Variants in PCDHGA1 observed in about 807,000 individuals in gnomAD.
PCDHGA1 encodes the protein protocadherin gamma-A1.
In PCDHGA1, 32 loss-of-function variants were observed where a neutral mutation model predicts 58.0. The observed-to-expected ratio is 0.55, with a 90% CI of 0.42 to 0.74. The LOEUF is 0.74. PCDHGA1 is among the 30% of genes least tolerant of loss of function. PCDHGA1 has a pLI of 0.00. For missense variants in PCDHGA1, 1,205 were observed against 1,182.3 expected, an observed-to-expected ratio of 1.02 and a Z score of -0.28; for synonymous variants, 498 against 501.1, an observed-to-expected ratio of 0.99 and a Z score of 0.08.
At chr5:141,405,156 T>C in intron 1 of PCDHGA1, 1 of 1,614,042 alleles carries the variant, frequency 6.2e-7, no homozygotes, top group Non-Finnish European at 8.5e-7. Flanking sequence ...TTGGCTGGTG[T>C]GCCCACCTCA....
intron 1 of PCDHGA1, among the ~76,000 whole-genome samples, chr5:141,447,688 G>A (rs188511217): frequency 1.4e-4 from 22 of 152,258 alleles, no homozygotes; most frequent in African/African-American, 4.3e-4. Context: ...TATCTTGATA[G>A]AGGGATGGGT....
intron 3 of PCDHGA1, among the ~76,000 whole-genome samples, chr5:141,509,362 G>C (rs2099876497): frequency 6.6e-6 from 1 of 152,152 alleles, no homozygotes; most frequent in Non-Finnish European, 1.5e-5. Flanking sequence ...GCATCCCTGA[G>C]GTTTTAACTG....
chr5:141,402,855 T>G, intron 1 of PCDHGA1: 1 of 1,425,070 alleles, frequency 7.0e-7, no homozygotes, highest in Non-Finnish European at 9.2e-7. Flanking sequence ...CTCTTTCTTC[T>G]AAGGAAAAGA....
chr5:141,395,961 G>C (rs1016569431), intron 1 of PCDHGA1: 1 of 151,956 alleles, frequency 6.6e-6, no homozygotes, highest in Non-Finnish European at 1.5e-5. Flanking sequence ...AAAAACAAAA[G>C]CAAAAACATT....
At chr5:141,367,065 T>C (rs1054536052) in intron 1 of PCDHGA1, 27 of 305,946 alleles carry the variant, frequency 8.8e-5, no homozygotes, top group African/African-American at 6.0e-4. Context: ...TTTTATTTAT[T>C]CAAATTGTTA....
At chr5:141,447,263 C>A (rs953578064) in intron 1 of PCDHGA1, among the ~76,000 whole-genome samples, 1 of 152,116 alleles carries the variant, frequency 6.6e-6, no homozygotes, top group Non-Finnish European at 1.5e-5. Context: ...TCTCAGCCTC[C>A]CAAGTAGCTG....
Position 141,330,673 on chromosome 5 carries a change from A to C in PCDHGA1, c.-12A>C. 6.3e-7 allele frequency: 1 copy of C among 1,591,322 alleles called. No homozygotes were observed. The highest frequency in any genetic ancestry group is 8.6e-7 in the Non-Finnish European group (1 of 1,166,840). On this transcript the variant is annotated 5_prime_UTR_variant, in exon 1 of 4. Transcript: ENST00000517417. ...GTACTGGACTGGAAGAAAACTACGA[A>C]GTGAGAGAGCCATGAAGATTCAGAA...
rs564582881 is a variant in PCDHGA1, at chr5:141,432,735, C to T, written c.2422-62072C>T. ...CAGCCCCCTCTCTCCGCCACTGTCA[C>T]GCTCACCGTGGCCGTGGCCGACAGC... On this transcript the variant is annotated intron_variant, in intron 1 of 3. Coordinates refer to ENST00000517417, the MANE Select transcript of PCDHGA1 (RefSeq NM_018912.3). This position sits in a 1 kb window ranked among gnomAD's most constrained non-coding sequence, Gnocchi z 6.0. 2 of 1,614,094 alleles carry T rather than the reference C, an allele frequency of 1.2e-6. No individual in the cohort carries two copies. The highest frequency in any genetic ancestry group is 1.1e-5 in the South Asian group (1 of 91,086).
At chr5:141,452,912 A>T (rs1301567203) in intron 1 of PCDHGA1, among the ~76,000 whole-genome samples, 1 of 152,228 alleles carries the variant, frequency 6.6e-6, no homozygotes, top group African/African-American at 2.4e-5. Flanking sequence ...GGCATTATAC[A>T]GTAAGAAAGA....
chr5:141,432,974 C>T lies in PCDHGA1; in HGVS notation c.2422-61833C>T. ...CGGCTTGACAGGAGCGCCGGCGTCG[C>T]ACTTTGTGGGCGTGGACGGGGTGCA... On this transcript the variant is annotated intron_variant, in intron 1 of 3. Coordinates refer to ENST00000517417, the MANE Select transcript of PCDHGA1 (RefSeq NM_018912.3). This position sits in a 1 kb window ranked among gnomAD's most constrained non-coding sequence, Gnocchi z 6.0. 6.2e-7 allele frequency: 1 copy of T among 1,614,204 alleles called. No individual in the cohort carries two copies. Among genetic ancestry groups the T allele is most frequent in the Non-Finnish European group, 8.5e-7 (1 of 1,180,030 alleles).
At chr5:141,429,571 A>G (rs1221285032) in intron 1 of PCDHGA1, among the ~76,000 whole-genome samples, 2 of 152,156 alleles carry the variant, frequency 1.3e-5, no homozygotes, top group Non-Finnish European at 2.9e-5. Flanking sequence ...ATTCAGTTAC[A>G]TTTACTTTTG....
chr5:141,511,328 A>G lies in PCDHGA1; in HGVS notation c.*155A>G. On this transcript the variant is annotated 3_prime_UTR_variant, in exon 4 of 4. Transcript: ENST00000517417. Reference sequence around the variant, plus strand: ...CCTTGGGAAACAGAAACAAGTGCCCAGTCAGCACCTACCCCTTCCCCCCCA... The same window carrying G: ...CCTTGGGAAACAGAAACAAGTGCCCGGTCAGCACCTACCCCTTCCCCCCCA... The G allele has an allele frequency of 6.9e-7, 1 of 1,456,862 alleles. No individual in the cohort carries two copies. Among genetic ancestry groups the G allele is most frequent in the Non-Finnish European group, 9.1e-7 (1 of 1,093,622 alleles). 90.2% of individuals were successfully genotyped at this position (1,456,862 alleles called of 1,614,324 possible).
chr5:141,350,333 G>A (rs768228050), intron 1 of PCDHGA1: 15 of 1,537,750 alleles, frequency 9.8e-6, no homozygotes, highest in Non-Finnish European at 1.2e-5. Flanking sequence ...TTTGTTCTGC[G>A]GGGCCATCTC....
At chr5:141,365,191 A>C (rs1263019810) in intron 1 of PCDHGA1, 1 of 1,613,908 alleles carries the variant, frequency 6.2e-7, no homozygotes, top group Admixed American at 1.7e-5. Flanking sequence ...AAGAAGAAAA[A>C]ATTTCGGAGA....
At chr5:141,360,429 G>A (rs1283628345) in intron 1 of PCDHGA1, 2 of 1,614,004 alleles carry the variant, frequency 1.2e-6, no homozygotes, top group Non-Finnish European at 8.5e-7. Flanking sequence ...TATGCGGGAA[G>A]CAGCCTCTGT....
At position 141,332,214 on chromosome 5, in the gene PCDHGA1, C is replaced by T; in HGVS notation, c.1530C>T (p.Asp510=). The part of the protein sequence containing the change: ...PLSAYLSINS[D]TGVLYALRSF... ...CTGCCTACCTCTCCATCAACTCCGA[C>T]ACTGGGGTCCTGTATGCGCTGCGAT... Residue 510 remains aspartate (D), a synonymous_variant, in exon 1 of 4, where the codon GAC becomes GAT. Coordinates refer to ENST00000517417, the MANE Select transcript of PCDHGA1 (RefSeq NM_018912.3). This position sits in a 1 kb window ranked among gnomAD's most constrained non-coding sequence, Gnocchi z 4.6. The T allele has an allele frequency of 6.2e-7, 1 of 1,614,268 alleles. No homozygotes were observed. Among genetic ancestry groups the T allele is most frequent in the Non-Finnish European group, 8.5e-7 (1 of 1,180,060 alleles).
Position 141,489,595 on chromosome 5 carries a change from G to A in PCDHGA1, c.2422-5212G>A. The A allele has an allele frequency of 1.2e-6, 2 of 1,614,132 alleles. No individual in the cohort carries two copies. Among genetic ancestry groups the A allele is most frequent in the Non-Finnish European group, 1.7e-6 (2 of 1,180,004 alleles). On this transcript the variant is annotated intron_variant, in intron 1 of 3. Coordinates refer to ENST00000517417, the MANE Select transcript of PCDHGA1 (RefSeq NM_018912.3). The surrounding 1 kb of genome is among the most constrained non-coding windows in gnomAD (Gnocchi z 4.5). Reference sequence around the variant, plus strand: ...TGAACACCCCCTGGAGCTAATCCGTGTAGAGGTAGAGATCCTGGATCTCAA... The same window carrying A: ...TGAACACCCCCTGGAGCTAATCCGTATAGAGGTAGAGATCCTGGATCTCAA...
At chr5:141,341,492 G>A (rs1388219092) in intron 1 of PCDHGA1, 3 of 1,561,526 alleles carry the variant, frequency 1.9e-6, no homozygotes, top group African/African-American at 2.7e-5. Flanking sequence ...ATTTCCTTGA[G>A]GGTAGAGTCA....
intron 1 of PCDHGA1, chr5:141,344,125 T>A: frequency 6.2e-7 from 1 of 1,614,018 alleles, no homozygotes; most frequent in South Asian, 1.1e-5. Flanking sequence ...TCCGGTCAGA[T>A]CCGCTACTCG....
Sources: allele counts gnomAD v4.1 joint callset (sites outside exome capture counted in the v4.1 genomes callset), GRCh38; gene constraint gnomAD v4.1.1; non-coding constraint Gnocchi (gnomAD v3.1); transcripts MANE v1.5; gene names NCBI Gene and HGNC (gene_info 2026-07-23, HGNC 2026-07-21).